The following RAB5IF variants were observed in gnomAD, a reference collection of about 807,000 sequenced individuals.
RAB5IF encodes GEL complex subunit OPTI.
Under a neutral mutation model 20.3 loss-of-function variants are expected in RAB5IF, and 15 were observed. The ratio of observed to expected loss-of-function variants is 0.74; its 90% CI spans 0.50 to 1.14. The LOEUF (loss-of-function observed/expected upper bound fraction) is 1.14. Ranked by LOEUF, RAB5IF falls within the 50% of genes most tolerant of loss-of-function variation. The probability of loss-of-function intolerance (pLI) is 0.00; values close to 1 mark genes in which losing one functional copy is unlikely to be tolerated. For missense variants in RAB5IF, 148 were observed against 159.5 expected, an observed-to-expected ratio of 0.93 and a Z score of 0.39; for synonymous variants, 67 against 63.7, an observed-to-expected ratio of 1.05 and a Z score of -0.25.
chr20:36,606,081 A>C lies in RAB5IF; in HGVS notation c.114+16A>C. The C allele has an allele frequency of 1.4e-6, 2 of 1,403,834 alleles. No homozygotes were observed. Among genetic ancestry groups the C allele is most frequent in the Non-Finnish European group, 1.9e-6 (2 of 1,053,304 alleles). The allele number at this position is 1,403,834 out of a possible 1,614,324, so 87.0% of individuals were successfully genotyped here. A position where few individuals can be genotyped will look rare whatever the true frequency, so the allele number is the denominator to read the frequency against. On this transcript the variant is annotated intron_variant, in intron 1 of 3. Coordinates refer to ENST00000344795, the MANE Select transcript of RAB5IF (RefSeq NM_018840.5). ...GGAGGATAAGGTACGGTGGAGTCTG[A>C]ACAGGGCGCGGGTGCGAGGAGTCGG...
At chr20:36,609,812 T>C (rs2039065628) in intron 3 of RAB5IF, 82 bp downstream of exon 3, 1 of 1,612,794 alleles carries the variant, frequency 6.2e-7, no homozygotes, top group African/African-American at 1.3e-5. Flanking sequence ...ACTGATTGAG[T>C]TACACTGTGT....
At chr20:36,611,883 G>C (rs2039131873) in intron 3 of RAB5IF, 127 bp from the exon 4 acceptor site, 1 of 1,233,570 alleles carries the variant, frequency 8.1e-7, no homozygotes, top group East Asian at 2.3e-5. Context: ...GACCCCCCAA[G>C]CAGACTGTGC....
Position 36,606,020 on chromosome 20 carries a change from C to T in RAB5IF, c.69C>T (p.Ser23=), listed in dbSNP as rs1034404861. The T allele has an allele frequency of 4.6e-6, 7 of 1,529,614 alleles. No homozygotes were observed. Among genetic ancestry groups the T allele is most frequent in the Non-Finnish European group, 5.3e-6 (6 of 1,135,246 alleles). The allele number at this position is 1,529,614 out of a possible 1,614,324, so 94.8% of individuals were successfully genotyped here. The part of the protein sequence containing the change: ...PQLANGALKV[S]VWSKVLRSDA... Reference sequence around the variant, plus strand: ...TGGCCAACGGGGCCCTCAAAGTCTCCGTCTGGAGTAAGGTGCTGCGGAGCG... The same window carrying T: ...TGGCCAACGGGGCCCTCAAAGTCTCTGTCTGGAGTAAGGTGCTGCGGAGCG... The change falls in exon 1 of 4, where the codon TCC becomes TCT. Residue 23 remains serine, a synonymous_variant. Coordinates refer to ENST00000344795, the MANE Select transcript of RAB5IF (RefSeq NM_018840.5).
At chr20:36,608,311 C>CA (rs1568594744) in intron 2 of RAB5IF, 1 of 195,822 alleles carries the variant, frequency 5.1e-6, no homozygotes, top group Non-Finnish European at 1.1e-5. Context: ...CTGGCACCAT[C>CA]ACAGCTGACT....
At chr20:36,608,311 C>A in intron 2 of RAB5IF, 1 of 195,940 alleles carries the variant, frequency 5.1e-6, no homozygotes. Flanking sequence ...CTGGCACCAT[C>A]ACAGCTGACT....
intron 1 of RAB5IF, among the ~76,000 whole-genome samples, chr20:36,606,957 C>G (rs1225963616): frequency 6.6e-6 from 1 of 152,242 alleles, no homozygotes; most frequent in Non-Finnish European, 1.5e-5. Flanking sequence ...GCCCCCAGCC[C>G]TGCCCAGCTC....
At chr20:36,609,195 G>GCACACACACACA (rs1179707974) in intron 2 of RAB5IF, among the ~76,000 whole-genome samples, 1 of 34,004 alleles carries the variant, frequency 2.9e-5, no homozygotes, top group Non-Finnish European at 5.4e-5. Flanking sequence ...ACACACACAC[G>GCACACACACACA]CACACACGCA....
chr20:36,609,193 A>ACACACACACACACAC (rs2039025478), intron 2 of RAB5IF, among the ~76,000 whole-genome samples: 1 of 62,262 alleles, frequency 1.6e-5, no homozygotes, highest in Non-Finnish European at 3.1e-5. Flanking sequence ...ACACACACAC[A>ACACACACACACACAC]CGCACACACG....
intron 2 of RAB5IF, among the ~76,000 whole-genome samples, chr20:36,609,258 A>ACACACACACACAC (rs1555790847): frequency 2.0e-5 from 2 of 99,232 alleles, no homozygotes; most frequent in African/African-American, 8.2e-5. Context: ...CACACACACT[A>ACACACACACACAC]TATATAGAGT....
intron 1 of RAB5IF, 60 bp from the exon 2 acceptor site, chr20:36,607,655 C>T (rs927582539): frequency 1.3e-6 from 2 of 1,597,370 alleles, no homozygotes; most frequent in African/African-American, 1.3e-5. Flanking sequence ...ATATTCTCCC[C>T]TTTTGCTGTC....
chr20:36,610,455 A>G (rs1410201600), intron 3 of RAB5IF, among the ~76,000 whole-genome samples: 3 of 152,048 alleles, frequency 2.0e-5, no homozygotes, highest in Non-Finnish European at 4.4e-5. Flanking sequence ...TAATCCCAGC[A>G]CTTTGGGAGG....
At chr20:36,606,133 C>A in intron 1 of RAB5IF, 68 bp downstream of exon 1, 2 of 991,858 alleles carry the variant, frequency 2.0e-6, no homozygotes, top group Non-Finnish European at 2.9e-6. Flanking sequence ...GGAAGACTGG[C>A]GCGGGCCTGC....
chr20:36,609,156 TACAC>T (rs765034845), intron 2 of RAB5IF, among the ~76,000 whole-genome samples: 15 of 17,060 alleles, frequency 8.8e-4, no homozygotes, highest in Admixed American at 5.0e-3. Context: ...AGAACTATAT[TACAC>T]ACACACACAC....
In RAB5IF at chr20:36,607,904, G is replaced by C. The variant is rs749302043; in HGVS notation, c.218+86G>C. 2.5e-6 allele frequency: 4 copies of C among 1,576,156 alleles called. No individual in the cohort carries two copies. The South Asian group carries it at 3.4e-5, about 13-fold the overall frequency. On this transcript the variant is annotated intron_variant, in intron 2 of 3. Transcript: ENST00000344795. ...TCCTGTTACAGGAAAGGCCATTGCT[G>C]CTCTGGAGCTGTGTGTGTGTGTGAT... is the stretch of plus-strand genomic sequence containing the variant.
chr20:36,610,884 G>C (rs991080037), intron 3 of RAB5IF, among the ~76,000 whole-genome samples: 44 of 152,228 alleles, frequency 2.9e-4, no homozygotes, highest in Non-Finnish European at 5.9e-4. Context: ...GTGGCTGGGA[G>C]GAGGGGATGG....
intron 2 of RAB5IF, among the ~76,000 whole-genome samples, chr20:36,608,948 G>A (rs1420456885): frequency 6.6e-6 from 1 of 151,742 alleles, no homozygotes; most frequent in African/African-American, 2.4e-5. Flanking sequence ...AGCAATAACA[G>A]ACAGTGGATA....
intron 2 of RAB5IF, among the ~76,000 whole-genome samples, chr20:36,609,158 C>CATACATACATAG (rs1278640879): frequency 1.0e-4 from 1 of 9,630 alleles, no homozygotes; most frequent in Non-Finnish European, 1.9e-4. Context: ...AACTATATTA[C>CATACATACATAG]ACACACACAC....
chr20:36,609,158 C>CATACAT (rs1278640879), intron 2 of RAB5IF, among the ~76,000 whole-genome samples: 222 of 9,622 alleles, frequency 0.023, 37 homozygotes, highest in Middle Eastern at 0.077. Context: ...AACTATATTA[C>CATACAT]ACACACACAC....
intron 3 of RAB5IF, among the ~76,000 whole-genome samples, chr20:36,611,094 A>G (rs940021968): frequency 1.3e-5 from 2 of 152,050 alleles, no homozygotes; most frequent in Non-Finnish European, 2.9e-5. Flanking sequence ...TGCTCAAGTG[A>G]TCCTCCCACC....
Sources: allele counts gnomAD v4.1 joint callset (sites outside exome capture counted in the v4.1 genomes callset), GRCh38; gene constraint gnomAD v4.1.1; transcripts MANE v1.5; gene names NCBI Gene and HGNC (gene_info 2026-07-23, HGNC 2026-07-21).